The following SORBS2 variants were observed in gnomAD, a reference collection of about 807,000 sequenced individuals.
The protein encoded by SORBS2 is sorbin and SH3 domain-containing protein 2.
Under a neutral mutation model 97.7 loss-of-function variants are expected in SORBS2, and 46 were observed. That is an observed-to-expected ratio of 0.47 (90% CI 0.37 to 0.60). The LOEUF is 0.60. Among genes scored for constraint, SORBS2 ranks in the 20% least tolerant of loss-of-function variants. The pLI is 0.00. For synonymous variants in SORBS2, 476 were observed against 473.4 expected, an observed-to-expected ratio of 1.01 and a Z score of -0.07; for missense variants, 1,316 against 1,282.3, an observed-to-expected ratio of 1.03 and a Z score of -0.40.
chr4:185,859,946 A>G (rs1044569535), intron 1 of SORBS2, among the ~76,000 whole-genome samples: 3 of 152,240 alleles, frequency 2.0e-5, no homozygotes, highest in Non-Finnish European at 2.9e-5. Context: ...TAAACATGAC[A>G]CTAAGTATTT....
chr4:185,769,162 A>AT (rs1235911111), intron 2 of SORBS2, among the ~76,000 whole-genome samples: 2 of 152,024 alleles, frequency 1.3e-5, no homozygotes, highest in African/African-American at 2.4e-5. Flanking sequence ...TGGATTTCAG[A>AT]TTTTTTCAGA....
chr4:185,672,517 T>C (rs1001596977), intron 4 of SORBS2, among the ~76,000 whole-genome samples: 3 of 152,178 alleles, frequency 2.0e-5, no homozygotes, highest in African/African-American at 7.2e-5. Context: ...GATCACACAG[T>C]GCCATAAGGA....
rs377677372 is a variant in SORBS2 at position 185,879,953 on chromosome 4, C to G, written c.-338+76243G>C. On this transcript the variant is annotated intron_variant, in intron 1 of 20. Transcript: ENST00000284776. ...TGACACGTACAGCAGATTTCCGGGA[C>G]ACGGCAGTTGTGAAAATAAAAGAAC... Among the ~76,000 whole-genome samples, 35 of 152,152 alleles carry G rather than the reference C, an allele frequency of 2.3e-4. 1 individual carries two copies. Among genetic ancestry groups the G allele is most frequent in the African/African-American group, 8.0e-4 (33 of 41,432 alleles).
At chr4:185,828,011 GTCACCATCATCATCA>G (rs1240425258) in intron 1 of SORBS2, among the ~76,000 whole-genome samples, 2 of 49,480 alleles carry the variant, frequency 4.0e-5, no homozygotes, top group East Asian at 6.9e-4. Context: ...CATCATCATC[GTCACCATCATCATCA>G]TCTCATCACC....
At chr4:185,626,708 A>G in intron 6 of SORBS2, 124 bp downstream of exon 18, 4 of 930,406 alleles carry the variant, frequency 4.3e-6, no homozygotes, top group Non-Finnish European at 6.7e-6. Flanking sequence ...CTAAAACTAT[A>G]TTTTATTCCA....
At position 185,800,803 on chromosome 4, in the gene SORBS2, A is replaced by G. The variant is rs143929196; in HGVS notation, c.-337-25437T>C. Among the ~76,000 whole-genome samples, 239 of 152,334 alleles carry G rather than the reference A, an allele frequency of 1.6e-3. 1 individual carries two copies. Among genetic ancestry groups the G allele is most frequent in the African/African-American group, 5.5e-3 (228 of 41,570 alleles). On this transcript the variant is annotated intron_variant, in intron 1 of 20. Transcript: ENST00000284776. ...ATTGAGGTATAATTGACAAAGCTGC[A>G]GACATTTAAGGTGAACCACGGGCTG... is the stretch of plus-strand genomic sequence containing the variant.
At chr4:185,950,195 C>A (rs915625214) in intron 1 of SORBS2, among the ~76,000 whole-genome samples, 1 of 150,612 alleles carries the variant, frequency 6.6e-6, no homozygotes, top group Non-Finnish European at 1.5e-5. Context: ...GAGGTTGCAG[C>A]GAGCCGAGAT....
chr4:185,891,975 T>C (rs1034900341), intron 1 of SORBS2, among the ~76,000 whole-genome samples: 1 of 152,066 alleles, frequency 6.6e-6, no homozygotes, highest in Non-Finnish European at 1.5e-5. Flanking sequence ...GCTAGTGTTA[T>C]AGGCACACAC....
intron 2 of SORBS2, among the ~76,000 whole-genome samples, chr4:185,729,776 TGTACA>T (rs2098599441): frequency 1.3e-5 from 2 of 152,208 alleles, no homozygotes; most frequent in South Asian, 2.1e-4. Context: ...AAACATTTCT[TGTACA>T]GTACAACTTA....
At chr4:185,938,008 CTTT>C (rs529655739) in intron 1 of SORBS2, among the ~76,000 whole-genome samples, 2,003 of 121,268 alleles carry the variant, frequency 0.017, 47 homozygotes, top group African/African-American at 0.052. Context: ...AGAAATCATT[CTTT>C]TTTTTTTTTT....
intron 1 of SORBS2, chr4:185,656,554 A>G: frequency 1.6e-6 from 2 of 1,271,876 alleles, no homozygotes; most frequent in Non-Finnish European, 2.2e-6. Context: ...CCAGCTTTAC[A>G]TGGGTCTTGC....
intron 1 of SORBS2, among the ~76,000 whole-genome samples, chr4:185,819,784 A>C (rs1364369721): frequency 6.6e-6 from 1 of 152,190 alleles, no homozygotes; most frequent in Non-Finnish European, 1.5e-5. Context: ...TTAACTCCTC[A>C]GCACAGACTC....
At chr4:185,814,333 C>T (rs2099191953) in intron 1 of SORBS2, among the ~76,000 whole-genome samples, 2 of 151,038 alleles carry the variant, frequency 1.3e-5, no homozygotes, top group African/African-American at 4.9e-5. Flanking sequence ...GGATTTGAGA[C>T]CAGTCTAGGC....
chr4:185,917,696 A>T (rs998553625), intron 1 of SORBS2, among the ~76,000 whole-genome samples: 1 of 152,128 alleles, frequency 6.6e-6, no homozygotes, highest in East Asian at 1.9e-4. Flanking sequence ...AAAATTGGGG[A>T]GAGGCAGACT....
chr4:185,603,400 C>G (rs2096318529), intron 12 of SORBS2, among the ~76,000 whole-genome samples: 1 of 152,008 alleles, frequency 6.6e-6, no homozygotes, highest in African/African-American at 2.4e-5. Context: ...GAAAAAAAAC[C>G]TCAAAGAGCA....
intron 1 of SORBS2, among the ~76,000 whole-genome samples, chr4:185,787,386 G>T (rs963252884): frequency 1.2e-4 from 18 of 152,160 alleles, no homozygotes; most frequent in African/African-American, 4.3e-4. Context: ...TAAGTAAAAA[G>T]TACGTAAAAG....
chr4:185,616,239 A>G (rs1240017074), intron 9 of SORBS2, among the ~76,000 whole-genome samples: 1 of 152,230 alleles, frequency 6.6e-6, no homozygotes, highest in African/African-American at 2.4e-5. Context: ...AGAGAGATTT[A>G]TACCTGATGG....
chr4:185,848,790 G>T (rs2099216136), intron 1 of SORBS2, among the ~76,000 whole-genome samples: 1 of 151,726 alleles, frequency 6.6e-6, no homozygotes, highest in African/African-American at 2.4e-5. Flanking sequence ...GACATTTCTT[G>T]ACATAGTTTG....
chr4:185,671,021 A>T (rs2097704984), intron 4 of SORBS2, among the ~76,000 whole-genome samples: 1 of 152,198 alleles, frequency 6.6e-6, no homozygotes, highest in African/African-American at 2.4e-5. Flanking sequence ...AAACTAAGAG[A>T]CAGACAGGGA....
Sources: gnomAD v4.1 joint callset for allele counts (sites outside exome capture counted in the v4.1 genomes callset) on GRCh38, gnomAD v4.1.1 for gene constraint, MANE v1.5 for transcripts, NCBI Gene and HGNC (gene_info 2026-07-23, HGNC 2026-07-21) for gene names.